KLRK1: variants seen among roughly 807,000 people sequenced by gnomAD.
The protein encoded by KLRK1 is killer cell lectin like receptor K1, also known as NKG2-D type II integral membrane protein.
Under a neutral mutation model 31.3 loss-of-function variants are expected in KLRK1, and 40 were observed. The ratio of observed to expected loss-of-function variants is 1.28; its 90% CI spans 0.99 to 1.67. The LOEUF is 1.67. Among genes scored for constraint, KLRK1 ranks in the 40% most tolerant of loss-of-function variants. The pLI, the probability that KLRK1 is intolerant of heterozygous loss-of-function variation, is 0.00. For missense variants in KLRK1, 251 were observed against 260.0 expected (o/e 0.97, Z 0.24); for synonymous variants, 77 against 77.3 (o/e 1.00, Z 0.02).
At chr12:10,378,020 T>C (rs1202586896) in intron 7 of KLRK1, 112 bp downstream of exon 7, 2 of 1,139,322 alleles carry the variant, frequency 1.8e-6, no homozygotes, top group Non-Finnish European at 2.5e-6. Context: ...TTACTAAATC[T>C]ATTAGAATGT....
At chr12:10,386,190 C>A (rs1208492377) in intron 3 of KLRK1, among the ~76,000 whole-genome samples, 1 of 151,782 alleles carries the variant, frequency 6.6e-6, no homozygotes, top group African/African-American at 2.4e-5. Context: ...ACATTTCATA[C>A]CCATCTGTGC....
chr12:10,378,677 G>A lies in KLRK1; in HGVS notation c.306C>T (p.Asn102=). 6.2e-7 allele frequency: 1 copy of A among 1,607,830 alleles called. No individual in the cohort carries two copies. The highest frequency in any genetic ancestry group is 8.5e-7 in the Non-Finnish European group (1 of 1,178,498). Residue 102 remains asparagine, a synonymous_variant, in exon 6 of 8, where the codon AAC becomes AAT. Transcript: ENST00000240618. Reference sequence around the variant, plus strand: ...AGCAGTTATTTTTGTAACATATCCAGTTTTTAGGACATGGGCCACAGTAAC... The same window carrying A: ...AGCAGTTATTTTTGTAACATATCCAATTTTTAGGACATGGGCCACAGTAAC... The part of the protein sequence containing the change: ...TESYCGPCPK[N]WICYKNNCYQ...
chr12:10,386,038 G>GT (rs1863162144), intron 3 of KLRK1, among the ~76,000 whole-genome samples: 2 of 147,694 alleles, frequency 1.4e-5, no homozygotes, highest in Non-Finnish European at 3.0e-5. Flanking sequence ...TCCTCATGGC[G>GT]TATAAGGATA....
At chr12:10,389,676 G>A (rs984217371) in intron 1 of KLRK1, among the ~76,000 whole-genome samples, 11 of 151,974 alleles carry the variant, frequency 7.2e-5, no homozygotes, top group Admixed American at 5.9e-4. Context: ...CATTTTTCTA[G>A]TTTTGCTTAG....
intron 7 of KLRK1, among the ~76,000 whole-genome samples, chr12:10,374,360 TAG>T (rs1862921578): frequency 1.3e-5 from 2 of 150,196 alleles, no homozygotes; most frequent in African/African-American, 4.9e-5. Context: ...CAGTCTACAT[TAG>T]AGTCTCGTTC....
chr12:10,375,458 T>C (rs1011070475), intron 7 of KLRK1, among the ~76,000 whole-genome samples: 2 of 152,186 alleles, frequency 1.3e-5, no homozygotes, highest in East Asian at 3.8e-4. Context: ...GTATATTTAA[T>C]GAAAGGATAC....
chr12:10,386,772 T>G, intron 3 of KLRK1, 131 bp downstream of exon 3: 4 of 437,974 alleles, frequency 9.1e-6, no homozygotes, highest in East Asian at 8.0e-5. Flanking sequence ...TAATATTATA[T>G]GAGAGTTCAT....
rs541632589 is a variant in KLRK1, at chr12:10,387,914, G to A, written c.40+857C>T. On this transcript the variant is annotated intron_variant, in intron 2 of 7. Transcript: ENST00000240618. Reference sequence around the variant, plus strand: ...GTGGGGTCTAATGATTTAGAACAAAGACAGATAATCTTGCCTCTGAACAAA... The same window carrying A: ...GTGGGGTCTAATGATTTAGAACAAAAACAGATAATCTTGCCTCTGAACAAA... Among the ~76,000 whole-genome samples the A allele has an allele frequency of 4.6e-5, 7 of 152,220 alleles. No individual in the cohort carries two copies. The South Asian group carries it at 1.5e-3, about 32-fold the overall frequency.
At chr12:10,389,571 G>A (rs2137824706) in intron 1 of KLRK1, among the ~76,000 whole-genome samples, 1 of 152,112 alleles carries the variant, frequency 6.6e-6, no homozygotes, top group East Asian at 1.9e-4. Flanking sequence ...GTAAAGATGT[G>A]TATCAAAGGT....
At chr12:10,377,160 A>T (rs767650046) in intron 7 of KLRK1, among the ~76,000 whole-genome samples, 1 of 152,194 alleles carries the variant, frequency 6.6e-6, no homozygotes, top group Non-Finnish European at 1.5e-5. Context: ...GTTGACTAGG[A>T]TGTGAAGCAA....
intron 1 of KLRK1, 54 bp from the exon 2 acceptor site, chr12:10,388,929 T>C (rs1863220935): frequency 1.6e-6 from 2 of 1,217,826 alleles, no homozygotes; most frequent in East Asian, 2.5e-5. Flanking sequence ...CGTGGTGAGA[T>C]AAAATATTTT....
At chr12:10,381,495 A>C (rs1220670303) in intron 3 of KLRK1, among the ~76,000 whole-genome samples, 1 of 152,164 alleles carries the variant, frequency 6.6e-6, no homozygotes, top group Non-Finnish European at 1.5e-5. Flanking sequence ...ACAAATAAGA[A>C]AGAGAAAGGA....
chr12:10,388,629 A>G (rs1863210807), intron 2 of KLRK1, 142 bp downstream of exon 2: 1 of 972,096 alleles, frequency 1.0e-6, no homozygotes, highest in African/African-American at 1.6e-5. Context: ...TACAATATGA[A>G]CATAACATGA....
chr12:10,375,301 TG>T (rs1862943957), intron 7 of KLRK1, among the ~76,000 whole-genome samples: 1 of 152,202 alleles, frequency 6.6e-6, no homozygotes, highest in Non-Finnish European at 1.5e-5. Flanking sequence ...ATAGTAAGTC[TG>T]GCTCCAGAGC....
At chr12:10,388,222 T>C (rs1002122021) in intron 2 of KLRK1, among the ~76,000 whole-genome samples, 2 of 152,212 alleles carry the variant, frequency 1.3e-5, no homozygotes, top group Non-Finnish European at 2.9e-5. Context: ...TATCACTTTA[T>C]GGATGAAGAA....
At position 10,378,223 on chromosome 12, in the gene KLRK1, G is replaced by A. The variant is rs771114407; in HGVS notation, c.442C>T (p.Leu148=). Residue 148 remains leucine, a synonymous_variant, in exon 7 of 8, where the codon CTG becomes TTG. Coordinates refer to ENST00000240618, the MANE Select transcript of KLRK1 (RefSeq NM_007360.4). ...CCCATCCAATGATATGACTTCACCA[G>A]TTTAAGTAAATCCTGTTTGAAACCA... is the stretch of plus-strand genomic sequence containing the variant. ...YSKEDQDLLK[L]VKSYHWMGLV... is the part of the protein sequence containing the mutation. The A allele has an allele frequency of 1.2e-6, 2 of 1,611,606 alleles. No individual in the cohort carries two copies. The highest frequency in any genetic ancestry group is 1.7e-6 in the Non-Finnish European group (2 of 1,179,384).
intron 3 of KLRK1, among the ~76,000 whole-genome samples, chr12:10,383,852 T>C (rs1437655114): frequency 1.3e-5 from 2 of 152,014 alleles, no homozygotes; most frequent in African/African-American, 2.4e-5. Flanking sequence ...CTTTGGAAAC[T>C]GCACAGATAC....
chr12:10,380,645 G>A (rs1346025015), intron 3 of KLRK1, among the ~76,000 whole-genome samples: 3 of 152,128 alleles, frequency 2.0e-5, no homozygotes, highest in Admixed American at 1.3e-4. Flanking sequence ...CTCCACTGAG[G>A]AGAAAAGGTA....
At chr12:10,376,053 G>A (rs537550501) in intron 7 of KLRK1, among the ~76,000 whole-genome samples, 1 of 152,196 alleles carries the variant, frequency 6.6e-6, no homozygotes, top group Non-Finnish European at 1.5e-5. Flanking sequence ...ATTCAGCAGA[G>A]TACTTACTAA....
Sources: gnomAD v4.1 joint callset for allele counts (sites outside exome capture counted in the v4.1 genomes callset) on GRCh38, gnomAD v4.1.1 for gene constraint, MANE v1.5 for transcripts, NCBI Gene and HGNC (gene_info 2026-07-23, HGNC 2026-07-21) for gene names.